ABI2: variants seen among roughly 807,000 people sequenced by gnomAD.
ABI2 encodes abelson interactor 2.
In ABI2, 25 loss-of-function variants were observed where a neutral mutation model predicts 59.2. That is an observed-to-expected ratio of 0.42 (90% confidence interval 0.31 to 0.59). The LOEUF is 0.59. Among genes scored for constraint, ABI2 ranks in the 20% least tolerant of loss-of-function variants. The pLI is 0.14. For synonymous variants in ABI2, 213 were observed against 235.5 expected, an observed-to-expected ratio of 0.90 and a Z score of 0.87; for missense variants, 545 against 681.8, an observed-to-expected ratio of 0.80 and a Z score of 2.23.
At chr2:203,415,650 T>C (rs761200676) in intron 10 of ABI2, among the ~76,000 whole-genome samples, 199 of 151,084 alleles carry the variant, frequency 1.3e-3, no homozygotes, top group Non-Finnish European at 2.2e-3. Flanking sequence ...AAAATCCATT[T>C]AATTCAATTC....
At chr2:203,414,446 CA>C (rs2097805651) in intron 10 of ABI2, among the ~76,000 whole-genome samples, 2 of 152,112 alleles carry the variant, frequency 1.3e-5, no homozygotes. Context: ...ATGCCTCTGC[CA>C]TCCTACCCTC....
At chr2:203,375,282 A>T (rs924855221) in intron 2 of ABI2, among the ~76,000 whole-genome samples, 2 of 152,164 alleles carry the variant, frequency 1.3e-5, no homozygotes, top group South Asian at 2.1e-4. Context: ...AACAATAATT[A>T]TATTAATTGT....
intron 1 of ABI2, among the ~76,000 whole-genome samples, chr2:203,353,004 T>C (rs2089849133): frequency 6.6e-6 from 1 of 152,246 alleles, no homozygotes; most frequent in African/African-American, 2.4e-5. Context: ...CTATACCATA[T>C]AGCCTAGTGT....
chr2:203,402,777 T>C, intron 9 of ABI2, 43 bp downstream of exon 9: 1 of 1,467,448 alleles, frequency 6.8e-7, no homozygotes, highest in South Asian at 1.5e-5. Flanking sequence ...ATGTATTTAA[T>C]TAAAAACCTT....
At chr2:203,347,033 A>G (rs4433982) in intron 1 of ABI2, among the ~76,000 whole-genome samples, 112,308 of 152,118 alleles carry the variant, frequency 0.74, 42,575 homozygotes, top group Middle Eastern at 0.87. Context: ...TTGTGTTCTT[A>G]CATGAGTTTC....
At chr2:203,393,158 G>T (rs752914048) in intron 5 of ABI2, among the ~76,000 whole-genome samples, 1 of 152,150 alleles carries the variant, frequency 6.6e-6, no homozygotes. Context: ...GCCTCCAGGC[G>T]ATTCTCCTGC....
At chr2:203,361,017 T>C (rs556775917) in intron 1 of ABI2, among the ~76,000 whole-genome samples, 1 of 152,256 alleles carries the variant, frequency 6.6e-6, no homozygotes, top group African/African-American at 2.4e-5. Context: ...GCATGAGCAC[T>C]AGCTCCACAG....
intron 2 of ABI2, among the ~76,000 whole-genome samples, chr2:203,367,956 G>A (rs1202198765): frequency 6.6e-6 from 1 of 151,810 alleles, no homozygotes; most frequent in Non-Finnish European, 1.5e-5. Context: ...ATTGAGCTGT[G>A]ATTATGACAT....
rs1312410679 is a variant in ABI2 at position 203,428,160 on chromosome 2, C to T, written c.*808C>T. The T allele has an allele frequency of 6.6e-6, 1 of 152,398 alleles. No individual in the cohort carries two copies. The highest frequency in any genetic ancestry group is 1.5e-5 in the Non-Finnish European group (1 of 68,052). The allele number at this position is 152,398 out of a possible 1,614,324, so 9.4% of individuals were successfully genotyped here. A position where few individuals can be genotyped will look rare whatever the true frequency, so the allele number is the denominator to read the frequency against. On this transcript the variant is annotated 3_prime_UTR_variant, in exon 12 of 12. Transcript: ENST00000261018. ...GGAGGTGGGTGTGTGAAGCTAGACA[C>T]GAAGGTCCCTAAGGTTCTGAAGAGA... is the stretch of plus-strand genomic sequence containing the variant.
intron 2 of ABI2, chr2:203,374,954 G>T: frequency 5.0e-6 from 2 of 400,762 alleles, no homozygotes; most frequent in South Asian, 1.8e-5. Flanking sequence ...GTACCTTCCT[G>T]TCATCTGCTG....
chr2:203,398,956 A>T (rs2097113238), intron 8 of ABI2, among the ~76,000 whole-genome samples: 1 of 152,098 alleles, frequency 6.6e-6, no homozygotes, highest in Non-Finnish European at 1.5e-5. Context: ...TTCTCAGAGG[A>T]CATTTAGATT....
At chr2:203,419,906 T>G (rs1466754209) in intron 11 of ABI2, among the ~76,000 whole-genome samples, 3 of 152,122 alleles carry the variant, frequency 2.0e-5, no homozygotes, top group African/African-American at 4.8e-5. Context: ...GAGAATCACT[T>G]GAACTCCAGA....
At chr2:203,406,497 T>TA (rs972602348) in intron 9 of ABI2, among the ~76,000 whole-genome samples, 2 of 152,126 alleles carry the variant, frequency 1.3e-5, no homozygotes, top group Non-Finnish European at 2.9e-5. Context: ...TAAAAGCGAC[T>TA]AAAAAAATAG....
At chr2:203,424,800 A>G (rs568430706) in intron 11 of ABI2, among the ~76,000 whole-genome samples, 1 of 152,360 alleles carries the variant, frequency 6.6e-6, no homozygotes, top group African/African-American at 2.4e-5. Context: ...AACAGTTGTT[A>G]AAACTCTCAG....
chr2:203,431,972 A>C lies in ABI2; in HGVS notation c.*4620A>C, dbSNP rs2098487603. ...AGTTGTACTTTTAGCTCCCAGAGGG[A>C]GAGTTGGTGGTATTATGAGTTGAGT... On this transcript the variant is annotated 3_prime_UTR_variant, in exon 12 of 12. Transcript: ENST00000261018. 1 of 152,150 alleles carries C rather than the reference A, an allele frequency of 6.6e-6. No individual in the cohort carries two copies. The highest frequency in any genetic ancestry group is 1.9e-4 in the East Asian group (1 of 5,200). 9.4% of individuals were successfully genotyped at this position (152,150 alleles called of 1,614,324 possible). A position where few individuals can be genotyped will look rare whatever the true frequency, so the allele number is the denominator to read the frequency against.
intron 4 of ABI2, among the ~76,000 whole-genome samples, chr2:203,389,357 T>G (rs928553474): frequency 2.0e-5 from 3 of 152,232 alleles, no homozygotes; most frequent in African/African-American, 7.2e-5. Context: ...CATTAAAGAT[T>G]GTTTTAACAT....
intron 1 of ABI2, among the ~76,000 whole-genome samples, chr2:203,348,803 A>G (rs1324369687): frequency 6.6e-6 from 1 of 152,138 alleles, no homozygotes; most frequent in African/African-American, 2.4e-5. Flanking sequence ...GTACATCATT[A>G]TAATTGATGA....
intron 8 of ABI2, among the ~76,000 whole-genome samples, chr2:203,401,609 T>C (rs1241506738): frequency 6.6e-6 from 1 of 152,192 alleles, no homozygotes; most frequent in Non-Finnish European, 1.5e-5. Flanking sequence ...TATATGGACT[T>C]AGGGATGATA....
intron 1 of ABI2, among the ~76,000 whole-genome samples, chr2:203,346,130 CAA>C (rs947295880): frequency 5.6e-4 from 84 of 149,014 alleles, no homozygotes; most frequent in African/African-American, 1.9e-3. Flanking sequence ...GTCTGGGTGA[CAA>C]GAGTGAAACT....
Sources: allele counts gnomAD v4.1 joint callset (sites outside exome capture counted in the v4.1 genomes callset), GRCh38; gene constraint gnomAD v4.1.1; transcripts MANE v1.5; gene names NCBI Gene and HGNC (gene_info 2026-07-23, HGNC 2026-07-21).